The following ACTR3B variants were observed in gnomAD, a reference collection of about 807,000 sequenced individuals.
The protein encoded by ACTR3B is actin-related protein 3B.
Under a neutral mutation model 59.0 loss-of-function variants are expected in ACTR3B, and 8 were observed. The ratio of observed to expected loss-of-function variants is 0.14; its 90% CI spans 0.08 to 0.24. The LOEUF (loss-of-function observed/expected upper bound fraction) is 0.24. Ranked by LOEUF, ACTR3B falls within the 10% of genes least tolerant of loss-of-function variation. The pLI is 1.00. For synonymous variants in ACTR3B, 148 were observed against 197.9 expected, an observed-to-expected ratio of 0.75 and a Z score of 2.12; for missense variants, 245 against 552.3, an observed-to-expected ratio of 0.44 and a Z score of 5.58.
intron 7 of ACTR3B, among the ~76,000 whole-genome samples, chr7:152,822,031 C>G (rs1043575273): frequency 6.6e-6 from 1 of 152,190 alleles, no homozygotes; most frequent in South Asian, 2.1e-4. Flanking sequence ...GGATGTTGAC[C>G]AGGCCTGTGA....
At position 152,825,116 on chromosome 7, in the gene ACTR3B, G is replaced by A; in HGVS notation, c.945G>A (p.Leu315=). Residue 315 remains leucine, a synonymous_variant, in exon 9 of 12, where the codon CTG becomes CTA. Coordinates refer to ENST00000256001, the MANE Select transcript of ACTR3B (RefSeq NM_020445.6). ...GCCCCATCGATGTGCGGCGCCCGCT[G>A]TATAAGGTATGAGCTGCCTGGGTAA... is the stretch of plus-strand genomic sequence containing the variant. The part of the protein sequence containing the change: ...QNCPIDVRRP[L]YKNVVLSGGS... 1.9e-6 allele frequency: 3 copies of A among 1,613,562 alleles called. No individual in the cohort carries two copies. The highest frequency in any genetic ancestry group is 2.2e-5 in the East Asian group (1 of 44,882).
intron 1 of ACTR3B, among the ~76,000 whole-genome samples, chr7:152,767,874 A>G (rs1198196967): frequency 6.6e-6 from 1 of 152,080 alleles, no homozygotes; most frequent in Non-Finnish European, 1.5e-5. Flanking sequence ...CAGAATGCTC[A>G]TATTATTTGT....
intron 1 of ACTR3B, among the ~76,000 whole-genome samples, chr7:152,768,189 C>G (rs553562498): frequency 1.3e-5 from 2 of 152,244 alleles, no homozygotes; most frequent in Non-Finnish European, 2.9e-5. Flanking sequence ...AGCCACTGTA[C>G]TCCAGCCTGG....
At chr7:152,764,666 T>G (rs574273016) in intron 1 of ACTR3B, among the ~76,000 whole-genome samples, 8 of 150,022 alleles carry the variant, frequency 5.3e-5, no homozygotes, top group Non-Finnish European at 7.4e-5. Context: ...AAAGAAAAAA[T>G]AAAGCAAGGA....
chr7:152,779,038 T>G (rs11763299), intron 1 of ACTR3B, among the ~76,000 whole-genome samples: 59,555 of 140,990 alleles, frequency 0.42, 12,611 homozygotes, highest in Non-Finnish European at 0.48. Context: ...ACTTCAGTAT[T>G]ATAGACATAT....
intron 9 of ACTR3B, among the ~76,000 whole-genome samples, chr7:152,850,562 A>G (rs556352939): frequency 6.6e-6 from 1 of 152,362 alleles, no homozygotes; most frequent in East Asian, 1.9e-4. Flanking sequence ...GCCCCGTTTC[A>G]TTCTTCCTGC....
At chr7:152,817,393 A>C (rs984973623) in intron 6 of ACTR3B, among the ~76,000 whole-genome samples, 3 of 152,190 alleles carry the variant, frequency 2.0e-5, no homozygotes, top group African/African-American at 7.2e-5. Context: ...AAAAAAAAAA[A>C]ATTTAAAAGC....
In ACTR3B at chr7:152,844,189, C is replaced by T. The variant is rs551282749; in HGVS notation, c.952-7937C>T. The stretch of plus-strand genomic sequence containing the variant: ...TCTCCTGCCTCAGCCTCCTGAGTAG[C>T]TGGGATTACAGGTGCATGCCACCAT... On this transcript the variant is annotated intron_variant, in intron 9 of 11. Coordinates refer to ENST00000256001, the MANE Select transcript of ACTR3B (RefSeq NM_020445.6). 3.0e-3 allele frequency among the ~76,000 whole-genome samples: 456 copies of T among 152,212 alleles called. 2 individuals carry two copies. The highest frequency in any genetic ancestry group is 0.01 in the African/African-American group (425 of 41,538).
intron 9 of ACTR3B, among the ~76,000 whole-genome samples, chr7:152,840,654 C>T (rs1260317724): frequency 5.2e-4 from 64 of 122,524 alleles, no homozygotes; most frequent in African/African-American, 1.6e-3. Flanking sequence ...GGCTCTGCTC[C>T]GGCAGTTCCA....
chr7:152,759,997 T>C, intron 1 of ACTR3B, 71 bp downstream of exon 1: 1 of 1,246,642 alleles, frequency 8.0e-7, no homozygotes, highest in South Asian at 2.3e-5. Context: ...CCACCTCGCC[T>C]GGAGGTCGAG....
intron 1 of ACTR3B, among the ~76,000 whole-genome samples, chr7:152,774,799 A>C (rs1170641739): frequency 6.6e-6 from 1 of 152,102 alleles, no homozygotes; most frequent in Admixed American, 6.5e-5. Context: ...CTTTTCTATG[A>C]AACAAGCCAA....
chr7:152,802,082 G>A (rs1010681851), intron 4 of ACTR3B, among the ~76,000 whole-genome samples: 3 of 152,082 alleles, frequency 2.0e-5, no homozygotes, highest in African/African-American at 7.2e-5. Context: ...TTTCCATACA[G>A]AGATAGAAGA....
In ACTR3B at chr7:152,823,558, C is replaced by T. The variant is rs751156324; in HGVS notation, c.858+43C>T. 3.6e-5 allele frequency: 57 copies of T among 1,598,842 alleles called. No homozygotes were observed. In the South Asian group the frequency reaches 5.2e-4, roughly 15 times the overall value. Reference sequence around the variant, plus strand: ...TTGTGTGCTCAAGTGTGGGATGGAGCGATACTGCCACCCAGAGTGTAGAAA... The same window carrying T: ...TTGTGTGCTCAAGTGTGGGATGGAGTGATACTGCCACCCAGAGTGTAGAAA... On this transcript the variant is annotated intron_variant, in intron 8 of 11. Coordinates refer to ENST00000256001, the MANE Select transcript of ACTR3B (RefSeq NM_020445.6).
chr7:152,766,830 A>G (rs2098111927), intron 1 of ACTR3B, among the ~76,000 whole-genome samples: 2 of 151,888 alleles, frequency 1.3e-5, no homozygotes, highest in African/African-American at 2.4e-5. Flanking sequence ...TCTGTTGCCC[A>G]TGCTAGAGTG....
At chr7:152,784,694 G>C (rs2689471) in intron 2 of ACTR3B, among the ~76,000 whole-genome samples, 2 of 152,140 alleles carry the variant, frequency 1.3e-5, no homozygotes, top group East Asian at 1.9e-4. Context: ...GTTGGTTTCC[G>C]GTGAGGCCTC....
chr7:152,771,401 A>G (rs1385026393), intron 1 of ACTR3B, among the ~76,000 whole-genome samples: 4 of 152,234 alleles, frequency 2.6e-5, no homozygotes, highest in Non-Finnish European at 5.9e-5. Flanking sequence ...AAGGAAAGAA[A>G]TAGAAAACTA....
intron 1 of ACTR3B, among the ~76,000 whole-genome samples, chr7:152,762,253 A>G (rs886174612): frequency 1.3e-5 from 2 of 152,208 alleles, no homozygotes; most frequent in Non-Finnish European, 2.9e-5. Flanking sequence ...AGCTTCATCT[A>G]TTTAAAGGGA....
chr7:152,848,491 A>G (rs980614011), intron 9 of ACTR3B, among the ~76,000 whole-genome samples: 2 of 152,130 alleles, frequency 1.3e-5, no homozygotes, highest in Non-Finnish European at 2.9e-5. Context: ...AAACCCCAAA[A>G]CCTCAGCAAA....
Position 152,759,804 on chromosome 7 carries a change from G to C in ACTR3B, c.-79G>C, listed in dbSNP as rs536954766. The C allele has an allele frequency of 2.3e-5, 25 of 1,097,550 alleles. No individual in the cohort carries two copies. The highest frequency in any genetic ancestry group is 1.2e-4 in the East Asian group (3 of 24,330). The allele number at this position is 1,097,550 out of a possible 1,614,324, so 68.0% of individuals were successfully genotyped here. On this transcript the variant is annotated 5_prime_UTR_variant, in exon 1 of 12. Coordinates refer to ENST00000256001, the MANE Select transcript of ACTR3B (RefSeq NM_020445.6). ...GCGGCTCGCGGGAGACGCTGCGCGC[G>C]GGGCTAGCGGGCGGCGGAGCGGACG... is the stretch of plus-strand genomic sequence containing the variant.
Sources: allele counts gnomAD v4.1 joint callset (sites outside exome capture counted in the v4.1 genomes callset), GRCh38; gene constraint gnomAD v4.1.1; transcripts MANE v1.5; gene names NCBI Gene and HGNC (gene_info 2026-07-23, HGNC 2026-07-21).